The following DOCK8 variants were observed in gnomAD, a reference collection of about 807,000 sequenced individuals.
DOCK8 encodes dedicator of cytokinesis 8.
DOCK8 carries 141 observed loss-of-function variants against 245.6 expected under a neutral mutation model. That is an observed-to-expected ratio of 0.57 (90% CI 0.50 to 0.66). The LOEUF is 0.66. Among genes scored for constraint, DOCK8 ranks in the 30% least tolerant of loss-of-function variants. DOCK8 has a pLI of 0.00. For synonymous variants in DOCK8, 1,168 were observed against 970.2 expected (o/e 1.20, Z -3.79); for missense variants, 2,965 against 2,603.4 (o/e 1.14, Z -3.02).
chr9:381,873 T>C (rs2053733322), intron 21 of DOCK8, among the ~76,000 whole-genome samples: 1 of 151,902 alleles, frequency 6.6e-6, no homozygotes, highest in African/African-American at 2.4e-5. Context: ...GGCAAGAGGA[T>C]TGCTTGAACC....
At chr9:391,106 A>T (rs1049025224) in intron 24 of DOCK8, among the ~76,000 whole-genome samples, 2 of 152,108 alleles carry the variant, frequency 1.3e-5, no homozygotes, top group African/African-American at 4.8e-5. Context: ...TGCCAAGGCC[A>T]TTTTGGCCTC....
intron 46 of DOCK8, among the ~76,000 whole-genome samples, chr9:455,554 G>C (rs537002361): frequency 3.9e-5 from 6 of 152,154 alleles, no homozygotes; most frequent in African/African-American, 1.4e-4. Flanking sequence ...AGTAGGTCTG[G>C]GGTTGGTCCT....
chr9:381,489 C>T (rs936623624), intron 21 of DOCK8: 3 of 152,232 alleles, frequency 2.0e-5, no homozygotes, highest in African/African-American at 7.2e-5. Flanking sequence ...ATTTCCCCAA[C>T]TCTTCTTAAT....
At chr9:382,365 C>A (rs1249705110) in intron 21 of DOCK8, 148 bp from the exon 22 acceptor site, 41 of 1,122,252 alleles carry the variant, frequency 3.7e-5, no homozygotes, top group Non-Finnish European at 5.5e-5. Context: ...TGCCTCCTAC[C>A]CCAACCAGGA....
chr9:278,160 C>T (rs2048432004), intron 2 of DOCK8, among the ~76,000 whole-genome samples: 1 of 151,998 alleles, frequency 6.6e-6, no homozygotes, highest in Non-Finnish European at 1.5e-5. Flanking sequence ...GCAGACGTTT[C>T]TTTATTGTCA....
chr9:237,772 G>T (rs2047289552), intron 1 of DOCK8, among the ~76,000 whole-genome samples: 1 of 151,390 alleles, frequency 6.6e-6, no homozygotes, highest in Non-Finnish European at 1.5e-5. Context: ...TGTTCAGCCA[G>T]TTTTTTTTTC....
At chr9:309,768 C>G (rs953036132) in intron 5 of DOCK8, among the ~76,000 whole-genome samples, 1 of 152,208 alleles carries the variant, frequency 6.6e-6, no homozygotes, top group African/African-American at 2.4e-5. Flanking sequence ...GCATAACATT[C>G]AGCTTTGGTG....
chr9:416,903 G>T (rs2056043318), intron 29 of DOCK8, among the ~76,000 whole-genome samples: 1 of 152,222 alleles, frequency 6.6e-6, no homozygotes, highest in Non-Finnish European at 1.5e-5. Flanking sequence ...GTGTCTCTAT[G>T]TTAGTTGTGA....
At position 325,643 on chromosome 9, in the gene DOCK8, C is replaced by G. The variant is rs541283310; in HGVS notation, c.828-28C>G. Reference sequence around the variant, plus strand: ...TTCAAAATTATCTAACTCAAAGCCACATAGATTTTCCTCTCTTTCTATGGT... The same window carrying G: ...TTCAAAATTATCTAACTCAAAGCCAGATAGATTTTCCTCTCTTTCTATGGT... On this transcript the variant is annotated intron_variant, in intron 7 of 47. Transcript: ENST00000432829. 7 of 1,602,386 alleles carry G rather than the reference C, an allele frequency of 4.4e-6. No homozygotes were observed. The African/African-American group carries it at 9.4e-5, about 21-fold the overall frequency.
chr9:266,721 A>G (rs2048041595), intron 1 of DOCK8, among the ~76,000 whole-genome samples: 3 of 152,176 alleles, frequency 2.0e-5, no homozygotes, highest in South Asian at 2.1e-4. Context: ...CATCACCACC[A>G]TTCTGACTCC....
At chr9:326,200 C>T (rs541830349) in intron 8 of DOCK8, among the ~76,000 whole-genome samples, 11 of 152,276 alleles carry the variant, frequency 7.2e-5, no homozygotes, top group African/African-American at 2.4e-4. Flanking sequence ...GTGACCAAGA[C>T]CTCTCGTGTG....
At chr9:425,319 T>G (rs1169562382) in intron 33 of DOCK8, among the ~76,000 whole-genome samples, 1 of 151,980 alleles carries the variant, frequency 6.6e-6, no homozygotes, top group Admixed American at 6.6e-5. Context: ...GATCACGAGG[T>G]CAGGAGATCG....
At chr9:455,231 C>T (rs373596329) in intron 46 of DOCK8, among the ~76,000 whole-genome samples, 65 of 152,268 alleles carry the variant, frequency 4.3e-4, no homozygotes, top group African/African-American at 1.3e-3. Flanking sequence ...GCAGTGGCTC[C>T]GCCTCTAATC....
At chr9:331,231 A>T (rs2050996473) in intron 9 of DOCK8, among the ~76,000 whole-genome samples, 1 of 152,212 alleles carries the variant, frequency 6.6e-6, no homozygotes. Context: ...ACGATTGCTG[A>T]TTAGCAGGAA....
At chr9:412,363 C>G (rs2055773699) in intron 28 of DOCK8, among the ~76,000 whole-genome samples, 1 of 145,174 alleles carries the variant, frequency 6.9e-6, no homozygotes, top group Non-Finnish European at 1.5e-5. Context: ...TGAGATCACG[C>G]TACTGCACTC....
intron 4 of DOCK8, among the ~76,000 whole-genome samples, chr9:292,069 C>A (rs370187878): frequency 8.0e-4 from 42 of 52,544 alleles, no homozygotes; most frequent in South Asian, 2.1e-3. Flanking sequence ...GACCCTATCT[C>A]AAAAAAAAAA....
chr9:408,978 C>T (rs1364277338), intron 28 of DOCK8, among the ~76,000 whole-genome samples: 1 of 152,172 alleles, frequency 6.6e-6, no homozygotes, highest in African/African-American at 2.4e-5. Flanking sequence ...ACACAGTAAT[C>T]CCTGATTGCT....
Position 334,364 on chromosome 9 carries a change from C to T in DOCK8, c.1265C>T (p.Thr422Ile). The T allele has an allele frequency of 2.5e-6, 4 of 1,613,562 alleles. No individual in the cohort carries two copies. Among genetic ancestry groups the T allele is most frequent in the Non-Finnish European group, 3.4e-6 (4 of 1,179,518 alleles). Residue 422 changes from threonine to isoleucine, a missense_variant, in exon 11 of 48, where the codon ACT (threonine) becomes ATT (isoleucine). Physicochemically the swap from Thr to Ile is moderately conservative, Grantham distance 89. This residue lies in a region of DOCK8 where 2,825 missense variants were observed against 2,453.5 expected (regional missense o/e 1.15). Transcript: ENST00000432829. The part of the protein sequence containing the change: ...FNVSTLEREV[T>I]DVDSVVGRSS... Reference sequence around the variant, plus strand: ...GTCTCCACCCTTGAGAGGGAGGTAACTGATGTGGACTCTGTGGTTGGTAAG... The same window carrying T: ...GTCTCCACCCTTGAGAGGGAGGTAATTGATGTGGACTCTGTGGTTGGTAAG...
At chr9:241,874 G>C (rs79534121) in intron 1 of DOCK8, among the ~76,000 whole-genome samples, 1,817 of 152,192 alleles carry the variant, frequency 0.012, 21 homozygotes, top group South Asian at 0.051. Flanking sequence ...TCAGCCTCCT[G>C]AGTAGCTAGG....
Sources: gnomAD v4.1 joint callset for allele counts (sites outside exome capture counted in the v4.1 genomes callset) on GRCh38, gnomAD v4.1.1 for gene constraint, gnomAD v4.1.1 regional missense constraint, MANE v1.5 for transcripts, NCBI Gene and HGNC (gene_info 2026-07-23, HGNC 2026-07-21) for gene names.